The following C1orf21 variants were observed in gnomAD, a reference collection of about 807,000 sequenced individuals.
C1orf21 encodes chromosome 1 open reading frame 21.
C1orf21 carries 3 observed loss-of-function variants against 18.7 expected under a neutral mutation model. The ratio of observed to expected loss-of-function variants is 0.16; its 90% CI spans 0.07 to 0.42. C1orf21 has a LOEUF of 0.42. Ranked by LOEUF, C1orf21 falls within the 10% of genes least tolerant of loss-of-function variation. The probability of loss-of-function intolerance (pLI) is 0.99; values close to 1 mark genes in which losing one functional copy is unlikely to be tolerated. For missense variants in C1orf21, 104 were observed against 143.6 expected (o/e 0.72, Z 1.41); for synonymous variants, 41 against 46.4 (o/e 0.88, Z 0.47).
At chr1:184,563,928 G>A (rs1056591137) in intron 3 of C1orf21, among the ~76,000 whole-genome samples, 1 of 152,186 alleles carries the variant, frequency 6.6e-6, no homozygotes, top group African/African-American at 2.4e-5. Context: ...ACCACTCTGT[G>A]ACCTAGTTTC....
chr1:184,415,952 A>C (rs1412598596), intron 1 of C1orf21, among the ~76,000 whole-genome samples: 1 of 152,244 alleles, frequency 6.6e-6, no homozygotes, highest in African/African-American at 2.4e-5. Context: ...TCCTTTCTAC[A>C]TCTTCTCAGG....
At chr1:184,571,296 C>CA (rs66868646) in intron 3 of C1orf21, among the ~76,000 whole-genome samples, 866 of 85,114 alleles carry the variant, frequency 0.01, 7 homozygotes, top group East Asian at 0.018. Context: ...GACTCCGTCT[C>CA]AAAAAAAAAA....
At position 184,628,732 on chromosome 1, in the gene C1orf21, T is replaced by C. The variant is rs12652; in HGVS notation, c.*9176T>C. The C allele has an allele frequency of 0.14, 21,805 of 152,640 alleles. 1,748 individuals carry two copies. The highest frequency in any genetic ancestry group is 0.17 in the Non-Finnish European group (11,880 of 68,016). 9.5% of individuals were successfully genotyped at this position (152,640 alleles called of 1,614,324 possible). A position where few individuals can be genotyped will look rare whatever the true frequency, so the allele number is the denominator to read the frequency against. On this transcript the variant is annotated 3_prime_UTR_variant, in exon 6 of 6. Transcript: ENST00000235307. ...CGATTGATTGTTCATCTTCCCTCTC[T>C]GGGTCTCCAGAAAAGGACACTGGCA... is the stretch of plus-strand genomic sequence containing the variant.
At chr1:184,493,890 T>C (rs1336862938) in intron 2 of C1orf21, among the ~76,000 whole-genome samples, 3 of 152,232 alleles carry the variant, frequency 2.0e-5, no homozygotes, top group Non-Finnish European at 4.4e-5. Flanking sequence ...AATGTGCTTT[T>C]AACTCTGATG....
At chr1:184,426,811 T>C (rs1298310850) in intron 1 of C1orf21, among the ~76,000 whole-genome samples, 2 of 152,082 alleles carry the variant, frequency 1.3e-5, no homozygotes, top group Non-Finnish European at 2.9e-5. Context: ...GCATACTGGG[T>C]GCGATAACAC....
intron 2 of C1orf21, among the ~76,000 whole-genome samples, chr1:184,493,198 G>A (rs959258451): frequency 6.6e-6 from 1 of 152,166 alleles, no homozygotes; most frequent in Admixed American, 6.5e-5. Flanking sequence ...TTTCTTGGTT[G>A]GAACAGCCAT....
intron 3 of C1orf21, among the ~76,000 whole-genome samples, chr1:184,564,728 T>C (rs1659011983): frequency 1.3e-5 from 2 of 152,186 alleles, no homozygotes; most frequent in African/African-American, 4.8e-5. Context: ...GCCAGTTATA[T>C]GTAGAATGAA....
At chr1:184,395,105 A>G (rs967600811) in intron 1 of C1orf21, among the ~76,000 whole-genome samples, 1 of 152,132 alleles carries the variant, frequency 6.6e-6, no homozygotes, top group Non-Finnish European at 1.5e-5. Context: ...CTGCTATAAG[A>G]GTGGTTTCTC....
In C1orf21 at chr1:184,528,326, A is replaced by T. The variant is rs531923756; in HGVS notation, c.189+20644A>T. Among the ~76,000 whole-genome samples the T allele has an allele frequency of 1.4e-4, 21 of 152,328 alleles. No individual in the cohort carries two copies. The South Asian group carries it at 4.4e-3, about 32-fold the overall frequency. On this transcript the variant is annotated intron_variant, in intron 3 of 5. Coordinates refer to ENST00000235307, the MANE Select transcript of C1orf21 (RefSeq NM_030806.4). ...TCACAACACATTTTTCATTTTTGTG[A>T]GATGCTTTCCATCTTTGCCCAGGTG...
intron 1 of C1orf21, among the ~76,000 whole-genome samples, chr1:184,451,819 G>A (rs1657127988): frequency 6.6e-6 from 1 of 152,054 alleles, no homozygotes; most frequent in Non-Finnish European, 1.5e-5. Context: ...TCACGAAAAG[G>A]GCATTAGCAA....
In C1orf21 at chr1:184,389,647, A is replaced by G. The variant is rs549791251; in HGVS notation, c.-125+2279A>G. Among the ~76,000 whole-genome samples, 4 of 152,344 alleles carry G rather than the reference A, an allele frequency of 2.6e-5. No homozygotes were observed. The East Asian group carries it at 5.8e-4, about 22-fold the overall frequency. On this transcript the variant is annotated intron_variant, in intron 1 of 5. Transcript: ENST00000235307. ...GTGGTTTGCTCTATTATAATTTCCA[A>G]GTGAATCATGCCTCAGTACTGTGTT...
chr1:184,448,322 G>T (rs1257423432), intron 1 of C1orf21, among the ~76,000 whole-genome samples: 1 of 152,124 alleles, frequency 6.6e-6, no homozygotes, highest in African/African-American at 2.4e-5. Context: ...GACCTCAAGT[G>T]ATTGTCCCAC....
At chr1:184,579,196 CCTGG>C (rs890406402) in intron 3 of C1orf21, among the ~76,000 whole-genome samples, 2 of 132,124 alleles carry the variant, frequency 1.5e-5, no homozygotes, top group Non-Finnish European at 1.5e-5. Context: ...CACCACCATG[CCTGG>C]CTAATTTTTT....
At chr1:184,539,487 G>T (rs1250751051) in intron 3 of C1orf21, among the ~76,000 whole-genome samples, 1 of 152,270 alleles carries the variant, frequency 6.6e-6, no homozygotes, top group African/African-American at 2.4e-5. Flanking sequence ...TCCGTATCAG[G>T]ATAATGCTGA....
At chr1:184,479,718 C>T (rs1332849066) in intron 2 of C1orf21, among the ~76,000 whole-genome samples, 1 of 146,432 alleles carries the variant, frequency 6.8e-6, no homozygotes, top group African/African-American at 2.5e-5. Context: ...TTCCTGGGCT[C>T]AAGTGATCCT....
intron 5 of C1orf21, among the ~76,000 whole-genome samples, chr1:184,605,866 T>C (rs1659640700): frequency 6.6e-6 from 1 of 152,240 alleles, no homozygotes; most frequent in Non-Finnish European, 1.5e-5. Context: ...AAGTCGCCTG[T>C]GTTTGTACCA....
At chr1:184,487,609 C>T (rs1410557986) in intron 2 of C1orf21, among the ~76,000 whole-genome samples, 1 of 152,194 alleles carries the variant, frequency 6.6e-6, no homozygotes, top group African/African-American at 2.4e-5. Context: ...TAACTGGCCA[C>T]TTGAGGTCAG....
At chr1:184,419,969 T>C (rs988120879) in intron 1 of C1orf21, among the ~76,000 whole-genome samples, 3 of 152,174 alleles carry the variant, frequency 2.0e-5, no homozygotes, top group Non-Finnish European at 4.4e-5. Flanking sequence ...TATTCTGCCT[T>C]AGTTTTTATA....
intron 4 of C1orf21, among the ~76,000 whole-genome samples, chr1:184,594,942 A>T (rs1329703746): frequency 6.6e-6 from 1 of 152,194 alleles, no homozygotes; most frequent in Non-Finnish European, 1.5e-5. Context: ...CATTTTGCCC[A>T]CCATTCATTA....
Sources: gnomAD v4.1 joint callset for allele counts (sites outside exome capture counted in the v4.1 genomes callset) on GRCh38, gnomAD v4.1.1 for gene constraint, MANE v1.5 for transcripts, NCBI Gene and HGNC (gene_info 2026-07-23, HGNC 2026-07-21) for gene names.